ITGA6: variants seen among roughly 807,000 people sequenced by gnomAD.
ITGA6 encodes integrin subunit alpha 6.
In ITGA6, 63 loss-of-function variants were observed where a neutral mutation model predicts 133.6. The ratio of observed to expected loss-of-function variants is 0.47; its 90% confidence interval spans 0.38 to 0.58. The LOEUF (loss-of-function observed/expected upper bound fraction) is 0.58, where lower values mean the gene tolerates loss of function less well. Ranked by LOEUF, ITGA6 falls within the 20% of genes least tolerant of loss-of-function variation. The probability of loss-of-function intolerance (pLI) is 0.00; values close to 1 mark genes in which losing one functional copy is unlikely to be tolerated. For synonymous variants in ITGA6, 434 were observed against 482.0 expected (o/e 0.90, Z 1.30); for missense variants, 1,068 against 1,309.4 (o/e 0.82, Z 2.85).
At chr2:172,458,222 T>C (rs904390337) in intron 1 of ITGA6, among the ~76,000 whole-genome samples, 1 of 151,378 alleles carries the variant, frequency 6.6e-6, no homozygotes, top group Non-Finnish European at 1.5e-5. Flanking sequence ...TTAAATTGAT[T>C]ACAATGCACA....
chr2:172,434,256 G>A lies in ITGA6; in HGVS notation c.182+6286G>A, dbSNP rs186334218. 3.5e-4 allele frequency among the ~76,000 whole-genome samples: 54 copies of A among 152,304 alleles called. No homozygotes were observed. The Middle Eastern group carries it at 0.01, about 29-fold the overall frequency. ...ACTGGCATTTAGATTTGCAAACACT[G>A]ATCTCTTGGAATTAAGTTAAAAGGC... is the stretch of plus-strand genomic sequence containing the variant. On this transcript the variant is annotated intron_variant, in intron 1 of 25. Coordinates refer to ENST00000684293, the MANE Select transcript of ITGA6 (RefSeq NM_000210.4).
In ITGA6 at chr2:172,486,639, G is replaced by A. The variant is rs576582866; in HGVS notation, c.1855-384G>A. On this transcript the variant is annotated intron_variant, in intron 13 of 25. Coordinates refer to ENST00000684293, the MANE Select transcript of ITGA6 (RefSeq NM_000210.4). ...AATCGTTGGTATCATCATTATTATTGATACTTCTTATAGTAGCCCTATAAA... is the reference window on the plus strand; with the variant it reads ...AATCGTTGGTATCATCATTATTATTAATACTTCTTATAGTAGCCCTATAAA... 5.3e-5 allele frequency among the ~76,000 whole-genome samples: 8 copies of A among 152,258 alleles called. No individual in the cohort carries two copies. In the East Asian group the frequency reaches 1.5e-3, roughly 29 times the overall value.
chr2:172,427,993 C>T, intron 1 of ITGA6, 23 bp downstream of exon 1: 4 of 1,590,900 alleles, frequency 2.5e-6, no homozygotes, highest in Non-Finnish European at 3.4e-6. Context: ...ACCCTTCCCA[C>T]CCCCACTGGG....
Position 172,474,042 on chromosome 2 carries a change from T to G in ITGA6, c.776-13T>G. ...GATTGATGTGAGGGGCTCTATATAT[T>G]TTGTTTTTCTAGGTTTTTCTTTGGA... On this transcript the variant is annotated splice_polypyrimidine_tract_variant and intron_variant, in intron 5 of 25. Transcript: ENST00000684293. 6.3e-7 allele frequency: 1 copy of G among 1,588,684 alleles called. No homozygotes were observed. Among genetic ancestry groups the G allele is most frequent in the Non-Finnish European group, 8.6e-7 (1 of 1,158,640 alleles).
chr2:172,501,288 C>T (rs905659999), intron 24 of ITGA6, among the ~76,000 whole-genome samples: 1 of 152,100 alleles, frequency 6.6e-6, no homozygotes, highest in African/African-American at 2.4e-5. Context: ...GGCATTTGTT[C>T]CATAAAATTT....
At chr2:172,451,044 T>G (rs1311007961) in intron 1 of ITGA6, among the ~76,000 whole-genome samples, 1 of 149,950 alleles carries the variant, frequency 6.7e-6, no homozygotes, top group African/African-American at 2.5e-5. Context: ...AATTCCAGCT[T>G]CTTGGGAGGC....
chr2:172,486,842 A>G (rs541485829), intron 13 of ITGA6, among the ~76,000 whole-genome samples, 181 bp from the exon 14 acceptor site: 20 of 152,332 alleles, frequency 1.3e-4, no homozygotes, highest in African/African-American at 4.6e-4. Context: ...TTCTTCAAAC[A>G]CAATTTTACT....
At position 172,491,461 on chromosome 2, in the gene ITGA6, C is replaced by T. The variant is rs769808745; in HGVS notation, c.2926C>T (p.Arg976Ter). Reference sequence around the variant, plus strand: ...ACTGAACTACTTGGACATTCTCATGCGAGCCTTCATTGATGTGACTGCTGC... The same window carrying T: ...ACTGAACTACTTGGACATTCTCATGTGAGCCTTCATTGATGTGACTGCTGC... Reference protein sequence around the residue: ...SKLNYLDILMRAFIDVTAAAE... With the variant: ...SKLNYLDILM Residue 976 changes from arginine (R) to a stop codon, truncating the protein, a stop_gained, in exon 23 of 26, where the codon CGA becomes TGA. Coordinates refer to ENST00000684293, the MANE Select transcript of ITGA6 (RefSeq NM_000210.4). LOFTEE classifies it high-confidence loss of function. The surrounding 1 kb of genome is among the most constrained non-coding windows in gnomAD (Gnocchi z 4.4). 12 of 1,613,672 alleles carry T rather than the reference C, an allele frequency of 7.4e-6. No homozygotes were observed. In the Admixed American group the frequency reaches 1.3e-4, roughly 18 times the overall value.
intron 1 of ITGA6, among the ~76,000 whole-genome samples, chr2:172,453,917 C>T (rs1467091007): frequency 6.6e-6 from 1 of 152,130 alleles, no homozygotes; most frequent in African/African-American, 2.4e-5. Context: ...GTGGCCCCTG[C>T]CCCCATGGAG....
Position 172,491,313 on chromosome 2 carries a change from G to A in ITGA6, c.2871G>A (p.Trp957Ter). The A allele has an allele frequency of 6.2e-7, 1 of 1,609,910 alleles. No individual in the cohort carries two copies. Residue 957 changes from tryptophan to a stop codon, truncating the protein, a stop_gained, in exon 22 of 26, where the codon TGG (tryptophan) becomes TGA (stop). Coordinates refer to ENST00000684293, the MANE Select transcript of ITGA6 (RefSeq NM_000210.4). LOFTEE classifies it high-confidence loss of function. The surrounding 1 kb of genome is among the most constrained non-coding windows in gnomAD (Gnocchi z 4.4). ...KASLILRSRL[W>*]NSTFLEEYSK... ...CTCTTATTTTGCGCTCGAGGTTATG[G>A]AACAGCACATTTCTAGAGGTATGAC...
intron 1 of ITGA6, among the ~76,000 whole-genome samples, chr2:172,442,564 C>A (rs1163434702): frequency 6.6e-6 from 1 of 152,188 alleles, no homozygotes; most frequent in Non-Finnish European, 1.5e-5. Flanking sequence ...TTTTATGCTG[C>A]AGCTCACTTG....
rs1686911027 is a variant in ITGA6, at chr2:172,491,217, C to T, written c.2779-4C>T. The T allele has an allele frequency of 6.3e-7, 1 of 1,591,224 alleles. No individual in the cohort carries two copies. Among genetic ancestry groups the T allele is most frequent in the Non-Finnish European group, 8.6e-7 (1 of 1,159,234 alleles). On this transcript the variant is annotated splice_polypyrimidine_tract_variant and splice_region_variant and intron_variant, in intron 21 of 25. Coordinates refer to ENST00000684293, the MANE Select transcript of ITGA6 (RefSeq NM_000210.4). The surrounding 1 kb of genome is among the most constrained non-coding windows in gnomAD (Gnocchi z 4.4). ...TTGATGACCATTCTTCTTTTTCTCT[C>T]TAGAACTGTAGCGTGAACGTGAACT...
At position 172,491,024 on chromosome 2, in the gene ITGA6, G is replaced by A; in HGVS notation, c.2680G>A (p.Glu894Lys). The A allele has an allele frequency of 2.0e-6, 3 of 1,482,050 alleles. No individual in the cohort carries two copies. Among genetic ancestry groups the A allele is most frequent in the Non-Finnish European group, 2.8e-6 (3 of 1,061,252 alleles). The allele number at this position is 1,482,050 out of a possible 1,614,324, so 91.8% of individuals were successfully genotyped here. ...QKEINSLNLT[E>K]SHNSRKKREI... ...CTATTTTGGATATAATTTTTTTCAG[G>A]AGTCTCACAACTCAAGAAAGAAACG... The change falls in exon 21 of 26, where the codon GAG (glutamate) becomes AAG (lysine). Residue 894 changes from glutamate (E) to lysine (K), a missense_variant and splice_region_variant. This residue lies in a region of ITGA6 where 609 missense variants were observed against 707.2 expected (regional missense o/e 0.86). Transcript: ENST00000684293. This position sits in a 1 kb window ranked among gnomAD's most constrained non-coding sequence, Gnocchi z 4.4.
At chr2:172,459,278 CGGA>C (rs1685334198) in intron 1 of ITGA6, among the ~76,000 whole-genome samples, 1 of 152,024 alleles carries the variant, frequency 6.6e-6, no homozygotes, top group South Asian at 2.1e-4. Context: ...TCAAGGTAGG[CGGA>C]TCCCTTGAGG....
chr2:172,435,616 CTTTTTTTTTT>C (rs58005683), intron 1 of ITGA6, among the ~76,000 whole-genome samples: 1 of 82,250 alleles, frequency 1.2e-5, no homozygotes, highest in Non-Finnish European at 2.2e-5. Context: ...AGTTTTGTTT[CTTTTTTTTTT>C]TTTTTTTTTT....
At chr2:172,428,597 G>C (rs1032675682) in intron 1 of ITGA6, 1 of 149,864 alleles carries the variant, frequency 6.7e-6, no homozygotes, top group Admixed American at 6.6e-5. Context: ...CCAAACACCT[G>C]TTCGCTGGAC....
chr2:172,429,202 C>T (rs981511388), intron 1 of ITGA6, among the ~76,000 whole-genome samples: 3 of 151,344 alleles, frequency 2.0e-5, no homozygotes, highest in East Asian at 1.9e-4. Context: ...ATAACACCTG[C>T]TAGGTGAAGC....
chr2:172,465,822 A>C, intron 2 of ITGA6, 159 bp downstream of exon 2: 1 of 1,027,812 alleles, frequency 9.7e-7, no homozygotes, highest in South Asian at 1.4e-5. Flanking sequence ...ATATTTACTT[A>C]CTTTACTTCT....
intron 11 of ITGA6, among the ~76,000 whole-genome samples, chr2:172,482,860 C>T (rs1370674620): frequency 6.9e-6 from 1 of 144,204 alleles, no homozygotes; most frequent in African/African-American, 2.8e-5. Context: ...ATAAGAATGT[C>T]ACATCGTGTG....
Sources: gnomAD v4.1 joint callset for allele counts (sites outside exome capture counted in the v4.1 genomes callset) on GRCh38, gnomAD v4.1.1 for gene constraint, gnomAD v4.1.1 regional missense constraint, Gnocchi (gnomAD v3.1) non-coding constraint, MANE v1.5 for transcripts, NCBI Gene and HGNC (gene_info 2026-07-23, HGNC 2026-07-21) for gene names.